SEMA6D: variants seen among roughly 807,000 people sequenced by gnomAD.
SEMA6D encodes semaphorin 6D.
Under a neutral mutation model 106.6 loss-of-function variants are expected in SEMA6D, and 35 were observed. That is an observed-to-expected ratio of 0.33 (90% CI 0.25 to 0.44). SEMA6D has a LOEUF of 0.44. SEMA6D is among the 20% of genes least tolerant of loss of function. The pLI is 1.00. For synonymous variants in SEMA6D, 499 were observed against 487.7 expected, an observed-to-expected ratio of 1.02 and a Z score of -0.31; for missense variants, 1,185 against 1,345.9, an observed-to-expected ratio of 0.88 and a Z score of 1.87.
intron 4 of SEMA6D, among the ~76,000 whole-genome samples, chr15:47,608,526 T>G (rs1165715417): frequency 1.3e-5 from 2 of 152,214 alleles, no homozygotes; most frequent in African/African-American, 4.8e-5. Context: ...GCTACTTTTT[T>G]TGCTTTTCCT....
chr15:47,368,686 C>T (rs2039154230), intron 1 of SEMA6D, among the ~76,000 whole-genome samples: 1 of 152,170 alleles, frequency 6.6e-6, no homozygotes, highest in African/African-American at 2.4e-5. Flanking sequence ...TTCAATAATA[C>T]TAATCCTTGT....
intron 3 of SEMA6D, among the ~76,000 whole-genome samples, chr15:47,471,880 C>CA (rs955210211): frequency 2.4e-4 from 36 of 150,382 alleles, no homozygotes; most frequent in Admixed American, 1.4e-3. Context: ...CTCCGGTGAT[C>CA]AGAGTTCTAC....
At chr15:47,668,984 T>A (rs2078086683) in intron 4 of SEMA6D, among the ~76,000 whole-genome samples, 1 of 152,218 alleles carries the variant, frequency 6.6e-6, no homozygotes, top group South Asian at 2.1e-4. Context: ...CTAGAAAAGT[T>A]GAAAAATATT....
intron 3 of SEMA6D, among the ~76,000 whole-genome samples, chr15:47,575,832 G>A (rs1344984306): frequency 6.6e-6 from 1 of 152,056 alleles, no homozygotes; most frequent in African/African-American, 2.4e-5. Flanking sequence ...CTCCTTTTTA[G>A]GTATGGAAGT....
intron 11 of SEMA6D, 135 bp from the exon 12 acceptor site, chr15:47,764,503 C>A: frequency 7.6e-7 from 1 of 1,313,508 alleles, no homozygotes; most frequent in Non-Finnish European, 1.1e-6. Flanking sequence ...AGGGGCATAG[C>A]ATTGCTCCTT....
chr15:47,452,235 A>G (rs1032958769), intron 2 of SEMA6D, among the ~76,000 whole-genome samples: 1 of 151,924 alleles, frequency 6.6e-6, no homozygotes, highest in Admixed American at 6.6e-5. Context: ...ATTTTGTTCA[A>G]GGAGCTCTTC....
intron 1 of SEMA6D, among the ~76,000 whole-genome samples, chr15:47,400,564 A>G (rs1446235930): frequency 6.6e-6 from 1 of 151,818 alleles, no homozygotes; most frequent in East Asian, 1.9e-4. Context: ...CATTATTCCC[A>G]TTTTCTTAAG....
At chr15:47,373,637 G>A (rs1033059543) in intron 1 of SEMA6D, among the ~76,000 whole-genome samples, 2 of 152,058 alleles carry the variant, frequency 1.3e-5, no homozygotes, top group South Asian at 4.1e-4. Context: ...ATTATGAGAC[G>A]TCCATATGTG....
At chr15:47,202,415 G>C (rs550333130) in intron 1 of SEMA6D, among the ~76,000 whole-genome samples, 1 of 151,958 alleles carries the variant, frequency 6.6e-6, no homozygotes, top group Non-Finnish European at 1.5e-5. Context: ...GCCTTCCAGG[G>C]ACATTCGATT....
rs2076852508 is a variant in SEMA6D, at chr15:47,609,567, C to CA, written c.-55+8674dup. On this transcript the variant is annotated intron_variant, in intron 4 of 19. Transcript: ENST00000558014. Reference sequence around the variant, plus strand: ...CATATACGCAGGTCTTAATTGACCCCAAAGGAGGCCTTTGAACTTCACTGC... The same window carrying CA: ...CATATACGCAGGTCTTAATTGACCCCAAAAGGAGGCCTTTGAACTTCACTGC... 3.9e-5 allele frequency among the ~76,000 whole-genome samples: 6 copies of CA among 152,126 alleles called. No individual in the cohort carries two copies. In the South Asian group the frequency reaches 1.0e-3, roughly 26 times the overall value.
At chr15:47,592,005 G>A (rs2076448428) in intron 3 of SEMA6D, among the ~76,000 whole-genome samples, 1 of 152,154 alleles carries the variant, frequency 6.6e-6, no homozygotes, top group African/African-American at 2.4e-5. Flanking sequence ...ATTTTGGAAA[G>A]GGGAATGAGA....
intron 4 of SEMA6D, among the ~76,000 whole-genome samples, chr15:47,642,215 C>T (rs189667521): frequency 6.6e-6 from 1 of 152,286 alleles, no homozygotes; most frequent in East Asian, 1.9e-4. Flanking sequence ...CTGAATCAGC[C>T]AGTGCTGGTA....
At chr15:47,550,920 C>T (rs1426839802) in intron 3 of SEMA6D, among the ~76,000 whole-genome samples, 5 of 152,112 alleles carry the variant, frequency 3.3e-5, no homozygotes, top group Admixed American at 3.3e-4. Context: ...GTAAATATGG[C>T]ATTATCATTT....
intron 1 of SEMA6D, among the ~76,000 whole-genome samples, chr15:47,362,551 C>A (rs887571592): frequency 6.6e-6 from 1 of 152,294 alleles, no homozygotes; most frequent in Non-Finnish European, 1.5e-5. Context: ...ACACCTCCCC[C>A]CAGGCCTCTT....
intron 1 of SEMA6D, among the ~76,000 whole-genome samples, chr15:47,298,205 C>G (rs904536424): frequency 2.0e-5 from 3 of 152,268 alleles, no homozygotes; most frequent in East Asian, 3.9e-4. Flanking sequence ...GGGCGGAGCT[C>G]GCACTGGGAA....
intron 17 of SEMA6D, among the ~76,000 whole-genome samples, chr15:47,767,912 G>A (rs894565521): frequency 4.6e-5 from 7 of 151,690 alleles, no homozygotes; most frequent in Non-Finnish European, 4.4e-5. Flanking sequence ...CATTCAGTTT[G>A]TAAATGCCAT....
intron 1 of SEMA6D, among the ~76,000 whole-genome samples, chr15:47,278,575 C>T (rs1329861146): frequency 1.3e-5 from 2 of 152,136 alleles, no homozygotes; most frequent in African/African-American, 2.4e-5. Context: ...CCTGTTCAAT[C>T]TGATGGTAGT....
At chr15:47,356,044 A>G (rs74925946) in intron 1 of SEMA6D, among the ~76,000 whole-genome samples, 15 of 152,330 alleles carry the variant, frequency 9.8e-5, no homozygotes, top group African/African-American at 3.6e-4. Flanking sequence ...AATCATGGGA[A>G]TTGGCAGCCC....
chr15:47,280,395 G>C (rs1193418481), intron 1 of SEMA6D, among the ~76,000 whole-genome samples: 1 of 150,824 alleles, frequency 6.6e-6, no homozygotes, highest in Non-Finnish European at 1.5e-5. Context: ...ATTTTTTGTT[G>C]TGTCTATTTG....
Sources: allele counts gnomAD v4.1 joint callset (sites outside exome capture counted in the v4.1 genomes callset), GRCh38; gene constraint gnomAD v4.1.1; transcripts MANE v1.5; gene names NCBI Gene and HGNC (gene_info 2026-07-23, HGNC 2026-07-21).